Variants in FOXP2 observed in about 807,000 individuals in gnomAD.
The protein encoded by FOXP2 is forkhead box P2.
Under a neutral mutation model 115.8 loss-of-function variants are expected in FOXP2, and 12 were observed. That is an observed-to-expected ratio of 0.10 (90% CI 0.07 to 0.17). The LOEUF is 0.17. Ranked by LOEUF, FOXP2 falls within the 10% of genes least tolerant of loss-of-function variation. The pLI is 1.00. For synonymous variants in FOXP2, 328 were observed against 297.7 expected, an observed-to-expected ratio of 1.10 and a Z score of -1.05; for missense variants, 629 against 843.5, an observed-to-expected ratio of 0.75 and a Z score of 3.15.
chr7:114,586,881 G>T (rs988274577), intron 3 of FOXP2, among the ~76,000 whole-genome samples: 6 of 151,838 alleles, frequency 4.0e-5, no homozygotes, highest in Admixed American at 1.3e-4. Context: ...TTTTGATCTA[G>T]TAGAAAATTT....
At chr7:114,484,509 A>G (rs1279827211) in intron 2 of FOXP2, among the ~76,000 whole-genome samples, 1 of 151,932 alleles carries the variant, frequency 6.6e-6, no homozygotes, top group Non-Finnish European at 1.5e-5. Context: ...TGATTTCTAT[A>G]AACTGTAGTG....
At chr7:114,285,912 C>G (rs1796455893) in intron 1 of FOXP2, among the ~76,000 whole-genome samples, 2 of 151,866 alleles carry the variant, frequency 1.3e-5, no homozygotes, top group South Asian at 4.1e-4. Context: ...TCTATGGTAT[C>G]CTTAACTGAA....
At chr7:114,670,031 T>G (rs1281345668) in intron 16 of FOXP2, 1 of 152,060 alleles carries the variant, frequency 6.6e-6, no homozygotes, top group East Asian at 1.9e-4. Flanking sequence ...CCCATTGTCA[T>G]GTCATTCCCC....
chr7:114,676,164 G>A (rs889898013), intron 16 of FOXP2, among the ~76,000 whole-genome samples: 2 of 147,516 alleles, frequency 1.4e-5, no homozygotes, highest in African/African-American at 5.0e-5. Flanking sequence ...CCTGACCTCA[G>A]GTGATCCACC....
intron 2 of FOXP2, among the ~76,000 whole-genome samples, chr7:114,387,402 TCAGGA>T (rs1488716052): frequency 6.6e-6 from 1 of 152,234 alleles, no homozygotes; most frequent in East Asian, 1.9e-4. Flanking sequence ...TTACTGTAGT[TCAGGA>T]CTAGAATACA....
At chr7:114,090,889 T>A (rs541699843) in intron 1 of FOXP2, among the ~76,000 whole-genome samples, 1 of 151,844 alleles carries the variant, frequency 6.6e-6, no homozygotes, top group Non-Finnish European at 1.5e-5. Context: ...GCTTCCTCAT[T>A]TGATTTTCAG....
At chr7:114,572,006 C>T (rs781173897) in intron 3 of FOXP2, among the ~76,000 whole-genome samples, 12 of 151,594 alleles carry the variant, frequency 7.9e-5, no homozygotes, top group Admixed American at 2.0e-4. Flanking sequence ...TTATAATTGG[C>T]GAACAACAAC....
chr7:114,143,149 A>ATAG (rs1261485885), intron 1 of FOXP2, among the ~76,000 whole-genome samples: 1 of 120,970 alleles, frequency 8.3e-6, no homozygotes, highest in Non-Finnish European at 1.9e-5. Context: ...CCCTGTCTCA[A>ATAG]TAATAATAAT....
intron 3 of FOXP2, among the ~76,000 whole-genome samples, chr7:114,611,232 G>T (rs1233272605): frequency 6.6e-6 from 1 of 152,056 alleles, no homozygotes; most frequent in African/African-American, 2.4e-5. Flanking sequence ...TTGTAAATAC[G>T]GATTTCTACT....
At chr7:114,155,791 G>A (rs1277123672) in intron 1 of FOXP2, among the ~76,000 whole-genome samples, 1 of 152,078 alleles carries the variant, frequency 6.6e-6, no homozygotes, top group East Asian at 1.9e-4. Context: ...AAACGTTTTC[G>A]ATCAGGAATG....
At chr7:114,640,275 C>A (rs1363837241) in intron 6 of FOXP2, among the ~76,000 whole-genome samples, 1 of 152,074 alleles carries the variant, frequency 6.6e-6, no homozygotes, top group African/African-American at 2.4e-5. Context: ...TCCTATGTAA[C>A]AGAGAAACCT....
intron 2 of FOXP2, among the ~76,000 whole-genome samples, chr7:114,326,401 GT>G (rs1216536383): frequency 6.6e-6 from 1 of 152,040 alleles, no homozygotes; most frequent in Non-Finnish European, 1.5e-5. Context: ...ATGGGAATGG[GT>G]TTAGAAAAAG....
At chr7:114,540,463 A>T (rs1799599215) in intron 3 of FOXP2, among the ~76,000 whole-genome samples, 1 of 152,026 alleles carries the variant, frequency 6.6e-6, no homozygotes, top group South Asian at 2.1e-4. Flanking sequence ...GAGGAAAAAA[A>T]ACATCCATTC....
At chr7:114,534,281 T>A (rs1456776568) in intron 2 of FOXP2, among the ~76,000 whole-genome samples, 2 of 139,918 alleles carry the variant, frequency 1.4e-5, no homozygotes, top group Non-Finnish European at 3.2e-5. Context: ...TGAATGATAA[T>A]TTAAAAGGGA....
intron 2 of FOXP2, among the ~76,000 whole-genome samples, chr7:114,530,845 T>C (rs948435856): frequency 1.3e-5 from 2 of 151,810 alleles, no homozygotes; most frequent in Non-Finnish European, 2.9e-5. Flanking sequence ...ATGTTTTCAG[T>C]AAGTATTTTA....
chr7:114,160,640 T>A (rs1351298085), upstream of FOXP2, among the ~76,000 whole-genome samples: 1 of 152,144 alleles, frequency 6.6e-6, no homozygotes, highest in African/African-American at 2.4e-5. Context: ...TAGTAAAGTG[T>A]CATGTTGATA....
At chr7:114,335,655 A>T (rs1358182618) in intron 2 of FOXP2, among the ~76,000 whole-genome samples, 2 of 151,860 alleles carry the variant, frequency 1.3e-5, no homozygotes, top group African/African-American at 4.8e-5. Context: ...CAGTGGTTGA[A>T]GGGATCAAGC....
intron 2 of FOXP2, among the ~76,000 whole-genome samples, chr7:114,502,195 A>G (rs1015511): frequency 0.64 from 96,461 of 151,882 alleles, 31,704 homozygotes; most frequent in African/African-American, 0.81. Flanking sequence ...TACTTAAGGC[A>G]TATCTGTGCT....
intron 3 of FOXP2, chr7:114,570,718 A>G (rs573586260): frequency 1.0e-5 from 10 of 998,752 alleles, no homozygotes; most frequent in Middle Eastern, 2.1e-4. Context: ...ATTCCAAAAA[A>G]TGATTTTTAA....
Sources: allele counts gnomAD v4.1 joint callset (sites outside exome capture counted in the v4.1 genomes callset), GRCh38; gene constraint gnomAD v4.1.1; transcripts MANE v1.5; gene names NCBI Gene and HGNC (gene_info 2026-07-23, HGNC 2026-07-21).